PDCD6IP: variants seen among roughly 807,000 people sequenced by gnomAD.
The protein encoded by PDCD6IP is programmed cell death 6-interacting protein.
A neutral mutation model predicts 103.7 loss-of-function variants in PDCD6IP; 43 were observed. The ratio of observed to expected loss-of-function variants is 0.41; its 90% CI spans 0.32 to 0.53. The LOEUF is 0.53. Ranked by LOEUF, PDCD6IP falls within the 20% of genes least tolerant of loss-of-function variation. The pLI is 0.16. For missense variants in PDCD6IP, 871 were observed against 1,036.7 expected, an observed-to-expected ratio of 0.84 and a Z score of 2.20; for synonymous variants, 354 against 378.7, an observed-to-expected ratio of 0.93 and a Z score of 0.76.
At chr3:33,821,057 A>C (rs1412758060) in intron 3 of PDCD6IP, among the ~76,000 whole-genome samples, 1 of 152,036 alleles carries the variant, frequency 6.6e-6, no homozygotes, top group East Asian at 1.9e-4. Context: ...CTCAGGGTGA[A>C]GTGTAGTGGC....
chr3:33,831,377 T>C (rs1697241005), intron 7 of PDCD6IP, among the ~76,000 whole-genome samples: 2 of 152,196 alleles, frequency 1.3e-5, no homozygotes, highest in African/African-American at 4.8e-5. Context: ...GTTATGGTAC[T>C]AGGTTGTAGG....
intron 1 of PDCD6IP, among the ~76,000 whole-genome samples, chr3:33,804,695 A>G (rs747652321): frequency 1.2e-4 from 18 of 152,216 alleles, no homozygotes; most frequent in Non-Finnish European, 2.1e-4. Context: ...TTTACACAGG[A>G]GATTTAAGCC....
intron 1 of PDCD6IP, among the ~76,000 whole-genome samples, chr3:33,804,292 CT>C (rs1403996966): frequency 6.6e-6 from 1 of 152,224 alleles, no homozygotes; most frequent in Admixed American, 6.5e-5. Context: ...AGTCTCCTCC[CT>C]ATGGAATTTC....
chr3:33,800,508 A>C (rs1696453158), intron 1 of PDCD6IP, among the ~76,000 whole-genome samples: 1 of 152,192 alleles, frequency 6.6e-6, no homozygotes, highest in African/African-American at 2.4e-5. Flanking sequence ...GGTTCTCCGA[A>C]GGAAGGGGTA....
rs1455807758 is a variant in PDCD6IP, at chr3:33,848,080, T to G, written c.1641+2492T>G. Among the ~76,000 whole-genome samples the G allele has an allele frequency of 2.6e-5, 4 of 152,166 alleles. No homozygotes were observed. The East Asian group carries it at 5.8e-4, about 22-fold the overall frequency. ...GAGTGCCTTTTTTGGATTCACAGAC[T>G]AGTGGAGGATCTGCAAACACAGCTT... is the stretch of plus-strand genomic sequence containing the variant. On this transcript the variant is annotated intron_variant, in intron 12 of 17. Coordinates refer to ENST00000307296, the MANE Select transcript of PDCD6IP (RefSeq NM_013374.6).
intron 4 of PDCD6IP, among the ~76,000 whole-genome samples, chr3:33,823,372 C>A (rs1003627575): frequency 2.0e-5 from 3 of 152,170 alleles, no homozygotes; most frequent in African/African-American, 7.2e-5. Flanking sequence ...GGAAAATATA[C>A]CGTAAGCAAA....
At position 33,869,240 on chromosome 3, in the gene PDCD6IP, TA is replaced by T. The variant is rs750942083; in HGVS notation, c.*2717del. ...ATTTGTTAAGTGGGTTTCAGTTTGCTAATAGGGATTTTTTGTGTTTTGTTTT... is the reference window on the plus strand; with the variant it reads ...ATTTGTTAAGTGGGTTTCAGTTTGCTATAGGGATTTTTTGTGTTTTGTTTT... On this transcript the variant is annotated 3_prime_UTR_variant, in exon 18 of 18. Transcript: ENST00000307296. 1.3e-5 allele frequency: 2 copies of T among 152,248 alleles called. No homozygotes were observed. The highest frequency in any genetic ancestry group is 2.9e-5 in the Non-Finnish European group (2 of 68,042). The allele number at this position is 152,248 out of a possible 1,614,324, so 9.4% of individuals were successfully genotyped here. A position where few individuals can be genotyped will look rare whatever the true frequency, so the allele number is the denominator to read the frequency against.
At chr3:33,832,382 G>A (rs1378624248) in intron 7 of PDCD6IP, among the ~76,000 whole-genome samples, 3 of 152,118 alleles carry the variant, frequency 2.0e-5, no homozygotes, top group Non-Finnish European at 4.4e-5. Context: ...TTCAAAATAC[G>A]AAATTTGGGG....
At chr3:33,857,769 A>G (rs1367275532) in intron 15 of PDCD6IP, among the ~76,000 whole-genome samples, 2 of 152,222 alleles carry the variant, frequency 1.3e-5, no homozygotes, top group East Asian at 3.9e-4. Flanking sequence ...GATAGAAGAT[A>G]GATGCTTCCG....
intron 7 of PDCD6IP, among the ~76,000 whole-genome samples, chr3:33,829,200 AT>A (rs1697193454): frequency 6.6e-6 from 1 of 152,068 alleles, no homozygotes; most frequent in African/African-American, 2.4e-5. Flanking sequence ...ATCCATGTTT[AT>A]TTTAATGTAA....
At chr3:33,859,685 G>T (rs1453960827) in intron 15 of PDCD6IP, among the ~76,000 whole-genome samples, 1 of 152,146 alleles carries the variant, frequency 6.6e-6, no homozygotes, top group East Asian at 1.9e-4. Context: ...ATGCTTTGTT[G>T]TCACATGTTG....
chr3:33,829,014 C>G (rs1173578225), intron 7 of PDCD6IP, 45 bp downstream of exon 7: 2 of 1,478,676 alleles, frequency 1.4e-6, no homozygotes, highest in South Asian at 1.4e-5. Flanking sequence ...ACTTGGATCT[C>G]TCTTTTTTTT....
In PDCD6IP at chr3:33,825,360, TTGTTGCATG is replaced by T; in HGVS notation, c.616+23_616+31del. The T allele has an allele frequency of 6.3e-7, 1 of 1,577,196 alleles. No homozygotes were observed. The highest frequency in any genetic ancestry group is 2.0e-5 in the Admixed American group (1 of 49,620). ...CAAGAGGTAACTCCAATTTATCTTT[TTGTTGCATG>T]TGAAAAAAAGTGATAAGGCTTTTAA... On this transcript the variant is annotated intron_variant, in intron 5 of 17. Coordinates refer to ENST00000307296, the MANE Select transcript of PDCD6IP (RefSeq NM_013374.6).
chr3:33,837,077 C>T lies in PDCD6IP; in HGVS notation c.1057+811C>T, dbSNP rs570290943. 3.5e-3 allele frequency among the ~76,000 whole-genome samples: 536 copies of T among 151,818 alleles called. 6 individuals are homozygous for T. The highest frequency in any genetic ancestry group is 0.012 in the African/African-American group (495 of 41,450). ...CTGGGACTACAGGCGCCTGCCACCT[C>T]GCCCAGCTAGTTTTGTATTTTTAGT... On this transcript the variant is annotated intron_variant, in intron 8 of 17. Coordinates refer to ENST00000307296, the MANE Select transcript of PDCD6IP (RefSeq NM_013374.6).
In PDCD6IP at chr3:33,852,591, G is replaced by A. The variant is rs745897897; in HGVS notation, c.1745G>A (p.Ser582Asn). ...DLKSVNFDMTSKFLTALAQDG... is the reference protein window; with the variant it reads ...DLKSVNFDMTNKFLTALAQDG... ...AAATCTGTGAATTTTGACATGACAA[G>A]CAAGTTTTTGACAGCCCTGGCTCAA... Residue 582 changes from serine (S) to asparagine (N), a missense_variant, in exon 13 of 18, where the codon AGC (serine) becomes AAC (asparagine). Coordinates refer to ENST00000307296, the MANE Select transcript of PDCD6IP (RefSeq NM_013374.6). 15 of 1,597,588 alleles carry A rather than the reference G, an allele frequency of 9.4e-6. No homozygotes were observed. The African/African-American group carries it at 1.8e-4, about 19-fold the overall frequency.
At position 33,811,512 on chromosome 3, in the gene PDCD6IP, A is replaced by C. The variant is rs143612166; in HGVS notation, c.210-560A>C. 1.8e-3 allele frequency among the ~76,000 whole-genome samples: 278 copies of C among 152,320 alleles called. 1 individual carries two copies. Among genetic ancestry groups the C allele is most frequent in the African/African-American group, 6.1e-3 (255 of 41,572 alleles). ...CTGACAGCTCACCCTGATGGGGGGA[A>C]GTCTGCTTTATATTTTGTGATCATT... is the stretch of plus-strand genomic sequence containing the variant. On this transcript the variant is annotated intron_variant, in intron 1 of 17. Coordinates refer to ENST00000307296, the MANE Select transcript of PDCD6IP (RefSeq NM_013374.6).
intron 1 of PDCD6IP, among the ~76,000 whole-genome samples, chr3:33,808,629 C>G (rs1296983892): frequency 6.6e-6 from 1 of 152,304 alleles, no homozygotes; most frequent in East Asian, 1.9e-4. Context: ...TTGATCCGTG[C>G]TAGCATCATC....
chr3:33,826,528 A>C lies in PDCD6IP; in HGVS notation c.665A>C (p.Asp222Ala). Reference protein sequence around the residue: ...IIAKLANQAADYFGDAFKQCQ... With the variant: ...IIAKLANQAAAYFGDAFKQCQ... Reference sequence around the variant, plus strand: ...GCTAAATTGGCTAATCAGGCTGCAGATTATTTTGGTGATGCTTTCAAACAG... The same window carrying C: ...GCTAAATTGGCTAATCAGGCTGCAGCTTATTTTGGTGATGCTTTCAAACAG... The change falls in exon 6 of 18, where the codon GAT (aspartate) becomes GCT (alanine). Residue 222 changes from aspartate to alanine, a missense_variant. By Grantham distance (126) the Asp-to-Ala change is moderately radical. Around this residue, in one of 5 missense-constraint regions of PDCD6IP, gnomAD observed 242 missense variants for 250.7 expected, o/e 0.97. Coordinates refer to ENST00000307296, the MANE Select transcript of PDCD6IP (RefSeq NM_013374.6). 1 of 1,612,658 alleles carries C rather than the reference A, an allele frequency of 6.2e-7. No homozygotes were observed. The highest frequency in any genetic ancestry group is 8.5e-7 in the Non-Finnish European group (1 of 1,179,196).
chr3:33,826,151 A>G (rs113109207), intron 5 of PDCD6IP, among the ~76,000 whole-genome samples: 1,859 of 152,282 alleles, frequency 0.012, 33 homozygotes, highest in African/African-American at 0.042. Context: ...TAGAATTTAT[A>G]TACACTCAAG....
Sources: allele counts gnomAD v4.1 joint callset (sites outside exome capture counted in the v4.1 genomes callset), GRCh38; gene constraint gnomAD v4.1.1; regional missense constraint gnomAD v4.1.1; transcripts MANE v1.5; gene names NCBI Gene and HGNC (gene_info 2026-07-23, HGNC 2026-07-21).